Variants in RPSA2 observed in about 807,000 individuals in gnomAD.
RPSA2 encodes ribosomal protein SA 2, also known as small ribosomal subunit protein uS2B.
the RPSA2 span, among the ~76,000 whole-genome samples, chr19:23,812,386 C>CTTTTT: frequency 7.8e-5 from 1 of 12,744 alleles, no homozygotes; most frequent in Non-Finnish European, 1.5e-4. Context: ...TTCTCTTTTT[C>CTTTTT]TCTTTTTTTT....
the RPSA2 span, among the ~76,000 whole-genome samples, chr19:23,846,199 A>G: frequency 6.6e-6 from 1 of 152,074 alleles, no homozygotes; most frequent in Admixed American, 6.5e-5. Flanking sequence ...TTTAGTTTAT[A>G]TGTATCTTAC....
chr19:23,854,345 A>C, the RPSA2 span, among the ~76,000 whole-genome samples: 2 of 152,196 alleles, frequency 1.3e-5, no homozygotes, highest in Non-Finnish European at 2.9e-5. Context: ...GGTACTACAG[A>C]GATCTACTGC....
the RPSA2 span, among the ~76,000 whole-genome samples, chr19:23,764,278 C>G: frequency 6.6e-6 from 1 of 152,162 alleles, no homozygotes; most frequent in Non-Finnish European, 1.5e-5. Context: ...TTAACTAAGG[C>G]TTGCAGTAAA....
At chr19:23,834,573 A>G in the RPSA2 span, among the ~76,000 whole-genome samples, 1 of 152,070 alleles carries the variant, frequency 6.6e-6, no homozygotes. Flanking sequence ...AAAGAAAAAT[A>G]TTCTTAATTT....
chr19:23,827,807 G>A, the RPSA2 span: 6 of 1,577,818 alleles, frequency 3.8e-6, no homozygotes, highest in Admixed American at 3.3e-5. Context: ...AGAAGAGCAG[G>A]CTGCTGCTGA....
chr19:23,803,095 A>AGTTT, the RPSA2 span, among the ~76,000 whole-genome samples: 2 of 149,776 alleles, frequency 1.3e-5, no homozygotes, highest in African/African-American at 2.4e-5. Context: ...CTGAGATTTA[A>AGTTT]TTTTTTTTTT....
chr19:23,786,437 CTCT>C, the RPSA2 span, among the ~76,000 whole-genome samples: 4 of 152,124 alleles, frequency 2.6e-5, no homozygotes, highest in Non-Finnish European at 5.9e-5. Context: ...GGTGATTTGA[CTCT>C]TCTTTTTTTG....
At chr19:23,768,134 A>C in the RPSA2 span, among the ~76,000 whole-genome samples, 1 of 152,178 alleles carries the variant, frequency 6.6e-6, no homozygotes, top group Non-Finnish European at 1.5e-5. Flanking sequence ...TAAAAAGTCA[A>C]CGACTATGAA....
chr19:23,773,050 G>A, the RPSA2 span, among the ~76,000 whole-genome samples: 148,422 of 151,736 alleles, frequency 0.98, 72,679 homozygotes, highest in Middle Eastern at 1. Flanking sequence ...AGCCCAGGTG[G>A]CAGTCTGAGA....
chr19:23,865,276 C>T, the RPSA2 span, among the ~76,000 whole-genome samples: 1 of 152,178 alleles, frequency 6.6e-6, no homozygotes, highest in Non-Finnish European at 1.5e-5. Context: ...GTGCAGTTGC[C>T]TAAAGTTGTG....
At chr19:23,858,559 C>T in the RPSA2 span, among the ~76,000 whole-genome samples, 1 of 152,248 alleles carries the variant, frequency 6.6e-6, no homozygotes, top group Non-Finnish European at 1.5e-5. Flanking sequence ...GTAAAGTTTC[C>T]CTTCTAATAA....
the RPSA2 span, among the ~76,000 whole-genome samples, chr19:23,869,551 G>T: frequency 1.3e-5 from 2 of 152,178 alleles, no homozygotes; most frequent in Admixed American, 1.3e-4. Context: ...GGGAACTAAA[G>T]GTCAACTAGA....
chr19:23,844,904 T>C, the RPSA2 span, among the ~76,000 whole-genome samples: 1 of 150,544 alleles, frequency 6.6e-6, no homozygotes, highest in African/African-American at 2.4e-5. Context: ...AGCTTTTCTT[T>C]TTCAAGACTT....
the RPSA2 span, among the ~76,000 whole-genome samples, chr19:23,789,023 C>CTTTTTT: frequency 4.6e-5 from 6 of 129,418 alleles, 1 homozygote; most frequent in East Asian, 4.7e-4. Flanking sequence ...TTCTTTCTTT[C>CTTTTTT]TTTTTTTTTT....
At chr19:23,832,746 T>C in the RPSA2 span, 1 of 1,557,928 alleles carries the variant, frequency 6.4e-7, no homozygotes, top group Non-Finnish European at 8.7e-7. Context: ...AAAAAGCTTT[T>C]AGCCAGTCAT....
the RPSA2 span, among the ~76,000 whole-genome samples, chr19:23,861,883 A>G: frequency 5.3e-5 from 8 of 151,248 alleles, no homozygotes; most frequent in Admixed American, 5.3e-4. Flanking sequence ...AATAGGGAGA[A>G]CTCTGCACAC....
chr19:23,809,912 T>C, the RPSA2 span, among the ~76,000 whole-genome samples: 1 of 152,216 alleles, frequency 6.6e-6, no homozygotes, highest in African/African-American at 2.4e-5. Flanking sequence ...CAATGGGGTC[T>C]GTAAATTTAA....
the RPSA2 span, among the ~76,000 whole-genome samples, chr19:23,844,515 G>T: frequency 2.0e-5 from 3 of 152,044 alleles, no homozygotes; most frequent in Admixed American, 6.5e-5. Context: ...TAATGTTATT[G>T]GTCCATTTTT....
the RPSA2 span, among the ~76,000 whole-genome samples, chr19:23,764,367 A>G: frequency 6.6e-6 from 1 of 152,336 alleles, no homozygotes; most frequent in East Asian, 1.9e-4. Context: ...CCAATTTACA[A>G]CACTATCAAC....
Sources: gnomAD v4.1 joint callset for allele counts (sites outside exome capture counted in the v4.1 genomes callset) on GRCh38, gnomAD v4.1.1 for gene constraint, MANE v1.5 for transcripts, NCBI Gene and HGNC (gene_info 2026-07-23, HGNC 2026-07-21) for gene names.